GCN1: variants seen among roughly 807,000 people sequenced by gnomAD.
GCN1 encodes the protein stalled ribosome sensor GCN1.
Under a neutral mutation model 288.4 loss-of-function variants are expected in GCN1, and 90 were observed. The observed-to-expected ratio is 0.31, with a 90% CI of 0.26 to 0.37. The LOEUF is 0.37. GCN1 is among the 10% of genes least tolerant of loss of function. GCN1 has a pLI of 1.00. For synonymous variants in GCN1, 1,386 were observed against 1,420.2 expected (o/e 0.98, Z 0.54); for missense variants, 2,586 against 3,419.9 (o/e 0.76, Z 6.08).
At chr12:120,171,497 T>G (rs1242007100) in intron 14 of GCN1, among the ~76,000 whole-genome samples, 1 of 152,116 alleles carries the variant, frequency 6.6e-6, no homozygotes, top group East Asian at 1.9e-4. Flanking sequence ...AGCACATGTT[T>G]TCTTCCCCCC....
intron 56 of GCN1, 110 bp downstream of exon 56, chr12:120,130,536 G>A (rs542362825): frequency 9.1e-5 from 67 of 737,000 alleles, no homozygotes; most frequent in South Asian, 6.8e-4. Context: ...GGCCGTCCAC[G>A]GAGAACTAGC....
At chr12:120,141,884 G>A (rs932864295) in intron 44 of GCN1, among the ~76,000 whole-genome samples, 1 of 152,164 alleles carries the variant, frequency 6.6e-6, no homozygotes, top group Non-Finnish European at 1.5e-5. Flanking sequence ...GGCCACAGTC[G>A]CATTTTACAT....
chr12:120,131,849 G>T, intron 54 of GCN1, 77 bp downstream of exon 54: 1 of 862,640 alleles, frequency 1.2e-6, no homozygotes, highest in Non-Finnish European at 1.9e-6. Flanking sequence ...TCTGAGGGAG[G>T]GAGGGAGATG....
chr12:120,162,224 C>T, intron 20 of GCN1, 166 bp from the exon 21 acceptor site: 1 of 613,134 alleles, frequency 1.6e-6, no homozygotes, highest in East Asian at 2.8e-5. Context: ...CGTCTGCTTT[C>T]CTCACCAAGC....
intron 3 of GCN1, 100 bp from the exon 4 acceptor site, chr12:120,184,343 G>T: frequency 1.0e-6 from 1 of 961,922 alleles, no homozygotes; most frequent in Non-Finnish European, 1.6e-6. Context: ...AGGAGAAACT[G>T]ATCACACCAT....
At position 120,174,125 on chromosome 12, in the gene GCN1, G is replaced by C. The variant is rs1341421308; in HGVS notation, c.1138C>G (p.Gln380Glu). ...SHHVVSGPSS[Q>E]VLNGIVAELF... ...TCAGCCACGATCCCATTCAGGACCTGACTGGAAGGTCCAGACACCACGTGA... is the reference window on the plus strand; with the variant it reads ...TCAGCCACGATCCCATTCAGGACCTCACTGGAAGGTCCAGACACCACGTGA... Residue 380 changes from glutamine to glutamate, a missense_variant, in exon 13 of 58, where the codon CAG becomes GAG. Around this residue, in one of 8 missense-constraint regions of GCN1, gnomAD observed 913 missense variants for 1,107.0 expected, o/e 0.82. Transcript: ENST00000300648. The C allele has an allele frequency of 6.2e-7, 1 of 1,607,700 alleles. No homozygotes were observed. The highest frequency in any genetic ancestry group is 8.5e-7 in the Non-Finnish European group (1 of 1,174,238).
intron 46 of GCN1, 71 bp downstream of exon 46, chr12:120,138,624 G>C (rs537834114): frequency 6.9e-7 from 1 of 1,456,602 alleles, no homozygotes; most frequent in African/African-American, 1.4e-5. Context: ...CAGAATAATC[G>C]CCCTGTATTT....
At chr12:120,192,157 A>G (rs899697393) in intron 1 of GCN1, among the ~76,000 whole-genome samples, 1 of 152,172 alleles carries the variant, frequency 6.6e-6, no homozygotes, top group Non-Finnish European at 1.5e-5. Flanking sequence ...TAAATAATTA[A>G]AACCCAAACT....
chr12:120,172,819 T>C (rs1157891681), intron 14 of GCN1, among the ~76,000 whole-genome samples: 2 of 152,086 alleles, frequency 1.3e-5, no homozygotes, highest in African/African-American at 4.8e-5. Context: ...TAGATGCTTC[T>C]TTAAATACAG....
At chr12:120,140,788 T>C in intron 45 of GCN1, 71 bp downstream of exon 45, 1 of 1,449,096 alleles carries the variant, frequency 6.9e-7, no homozygotes, top group Non-Finnish European at 9.5e-7. Flanking sequence ...CCTCCTTCAG[T>C]AGCCCTCCCC....
At chr12:120,185,927 G>C (rs1281974349) in intron 2 of GCN1, among the ~76,000 whole-genome samples, 1 of 152,090 alleles carries the variant, frequency 6.6e-6, no homozygotes, top group African/African-American at 2.4e-5. Flanking sequence ...AAGAAACCAA[G>C]TAATGGGAAA....
Position 120,158,731 on chromosome 12 carries a change from G to GGGAAGGA in GCN1, c.2750-117_2750-116insTCCTTCC. ...TTCTGACTTAAAAAAATATTTCTGC[G>GGGAAGGA]GCTGGGCGCGGTGGCTGATGCCTGT... On this transcript the variant is annotated intron_variant, in intron 24 of 57. Coordinates refer to ENST00000300648, the MANE Select transcript of GCN1 (RefSeq NM_006836.2). This position sits in a 1 kb window ranked among gnomAD's most constrained non-coding sequence, Gnocchi z 4.3. 1.1e-6 allele frequency: 1 copy of GGGAAGGA among 904,538 alleles called. No homozygotes were observed. Among genetic ancestry groups the GGGAAGGA allele is most frequent in the Non-Finnish European group, 1.6e-6 (1 of 607,856 alleles). The allele number at this position is 904,538 out of a possible 1,614,324, so 56.0% of individuals were successfully genotyped here.
chr12:120,131,636 C>T (rs991910458), intron 54 of GCN1, among the ~76,000 whole-genome samples: 6 of 152,258 alleles, frequency 3.9e-5, no homozygotes, highest in African/African-American at 1.4e-4. Context: ...GTTTTAGAGA[C>T]AGGGCCTCGC....
chr12:120,144,235 C>T lies in GCN1; in HGVS notation c.5495+71G>A. ...AAGCAATCCTCCTGCCTCGGCTTTC[C>T]AGAGTGCTCGGATTATAGGCATGAG... On this transcript the variant is annotated intron_variant, in intron 42 of 57. Coordinates refer to ENST00000300648, the MANE Select transcript of GCN1 (RefSeq NM_006836.2). This position sits in a 1 kb window ranked among gnomAD's most constrained non-coding sequence, Gnocchi z 4.7. The T allele has an allele frequency of 6.4e-7, 1 of 1,559,902 alleles. No homozygotes were observed.
chr12:120,155,022 C>T lies in GCN1; in HGVS notation c.3649G>A (p.Asp1217Asn). Residue 1217 changes from aspartate to asparagine, a missense_variant, in exon 31 of 58, where the codon GAT becomes AAT. By Grantham distance (23) the Asp-to-Asn change is conservative (BLOSUM62 1). This residue lies in a region of GCN1 where 332 missense variants were observed against 403.0 expected (regional missense o/e 0.82). Coordinates refer to ENST00000300648, the MANE Select transcript of GCN1 (RefSeq NM_006836.2). The surrounding 1 kb of genome is among the most constrained non-coding windows in gnomAD (Gnocchi z 4.9). Reference sequence around the variant, plus strand: ...TCTGAAATAACTCGTCCCAAAGCATCCAGCACTGGGGGCGGCCGCTGCAAC... The same window carrying T: ...TCTGAAATAACTCGTCCCAAAGCATTCAGCACTGGGGGCGGCCGCTGCAAC... The part of the protein sequence containing the change: ...EKLYRPPPVL[D>N]ALGRVISESP... The T allele has an allele frequency of 6.2e-7, 1 of 1,613,860 alleles. No individual in the cohort carries two copies. The highest frequency in any genetic ancestry group is 2.2e-5 in the East Asian group (1 of 44,886).
At position 120,155,394 on chromosome 12, in the gene GCN1, G is replaced by A. The variant is rs1877711754; in HGVS notation, c.3477C>T (p.Asp1159=). Residue 1159 remains aspartate, a synonymous_variant, in exon 30 of 58, where the codon GAC becomes GAT. Transcript: ENST00000300648. This position sits in a 1 kb window ranked among gnomAD's most constrained non-coding sequence, Gnocchi z 4.9. ...WSMMGLDLQP[D]LCSLLIDDVI... ...CGTCGTCAATCAGCAAGGAGCAGAGGTCTGGCTGCAGGTCTAGGCCCATCA... is the reference window on the plus strand; with the variant it reads ...CGTCGTCAATCAGCAAGGAGCAGAGATCTGGCTGCAGGTCTAGGCCCATCA... 14 of 1,613,956 alleles carry A rather than the reference G, an allele frequency of 8.7e-6. No individual in the cohort carries two copies. Among genetic ancestry groups the A allele is most frequent in the South Asian group, 3.3e-5 (3 of 91,092 alleles).
Position 120,178,662 on chromosome 12 carries a change from G to C in GCN1, c.623C>G (p.Thr208Arg), listed in dbSNP as rs748255642. ...GMLGLLVQFC[T>R]SHKEMDVVSQ... The stretch of plus-strand genomic sequence containing the variant: ...GACCACGTCCATCTCCTTGTGACTC[G>C]TGCAGAACTGCACCAGCAGCCCCAG... Residue 208 changes from threonine (T) to arginine (R), a missense_variant, in exon 7 of 58, where the codon ACG becomes AGG. Coordinates refer to ENST00000300648, the MANE Select transcript of GCN1 (RefSeq NM_006836.2). 6 of 1,614,030 alleles carry C rather than the reference G, an allele frequency of 3.7e-6. No homozygotes were observed. Among genetic ancestry groups the C allele is most frequent in the Non-Finnish European group, 5.1e-6 (6 of 1,180,014 alleles).
intron 51 of GCN1, 111 bp downstream of exon 51, chr12:120,136,391 A>C: frequency 1.3e-6 from 1 of 785,058 alleles, no homozygotes; most frequent in Non-Finnish European, 2.1e-6. Context: ...TCCCTCTGCT[A>C]TGCGGCTCTC....
At chr12:120,151,485 A>G (rs896485811) in intron 33 of GCN1, 94 bp from the exon 34 acceptor site, 1 of 1,308,838 alleles carries the variant, frequency 7.6e-7, no homozygotes. Flanking sequence ...ACCCACCACT[A>G]GATGTCCCAA....
Sources: gnomAD v4.1 joint callset for allele counts (sites outside exome capture counted in the v4.1 genomes callset) on GRCh38, gnomAD v4.1.1 for gene constraint, gnomAD v4.1.1 regional missense constraint, Gnocchi (gnomAD v3.1) non-coding constraint, MANE v1.5 for transcripts, NCBI Gene and HGNC (gene_info 2026-07-23, HGNC 2026-07-21) for gene names.